PAH: variants seen among roughly 807,000 people sequenced by gnomAD.
PAH encodes phenylalanine hydroxylase.
A neutral mutation model predicts 62.0 loss-of-function variants in PAH; 64 were observed. The observed-to-expected ratio is 1.03, with a 90% CI of 0.84 to 1.27. The LOEUF (loss-of-function observed/expected upper bound fraction) is 1.27, where lower values mean the gene tolerates loss of function less well. Ranked by LOEUF, PAH falls within the 50% of genes most tolerant of loss-of-function variation. PAH has a pLI of 0.00. For synonymous variants in PAH, 195 were observed against 196.2 expected (o/e 0.99, Z 0.05); for missense variants, 579 against 542.8 (o/e 1.07, Z -0.66).
At chr12:102,894,979 GCAGAAC>G in intron 2 of PAH, 61 bp from the exon 3 acceptor site, 1 of 1,227,626 alleles carries the variant, frequency 8.1e-7, no homozygotes, top group Non-Finnish European at 1.2e-6. Context: ...GGCCAAAGAT[GCAGAAC>G]CAGAACAGGA....
chr12:102,951,250 G>A (rs1439532025), upstream of PAH, among the ~76,000 whole-genome samples: 1 of 152,138 alleles, frequency 6.6e-6, no homozygotes, highest in Admixed American at 6.5e-5. Context: ...CTGCAGAGCT[G>A]GGCACCGCAC....
chr12:102,944,293 T>C (rs749179541), intron 1 of PAH, among the ~76,000 whole-genome samples: 36 of 152,240 alleles, frequency 2.4e-4, no homozygotes, highest in Non-Finnish European at 7.3e-5. Context: ...TACTTGAACA[T>C]TGATATTGTT....
intron 3 of PAH, among the ~76,000 whole-genome samples, chr12:102,890,070 G>A (rs887831518): frequency 1.6e-4 from 25 of 152,176 alleles, no homozygotes; most frequent in African/African-American, 6.0e-4. Flanking sequence ...TTACCATGTC[G>A]CTGTAATTAA....
upstream of PAH, among the ~76,000 whole-genome samples, chr12:102,921,347 C>A (rs903779306): frequency 2.6e-5 from 4 of 152,078 alleles, no homozygotes; most frequent in Non-Finnish European, 5.9e-5. Flanking sequence ...TATTTTCTAC[C>A]CATTTTCTAC....
At chr12:102,917,372 G>C (rs938529013), upstream of PAH, 1 of 537,126 alleles carries the variant, frequency 1.9e-6, no homozygotes, top group African/African-American at 1.9e-5. Flanking sequence ...GGCCGGAGGG[G>C]AGGGGCTGAG....
chr12:102,903,109 C>T (rs1877827164), intron 2 of PAH, among the ~76,000 whole-genome samples: 1 of 152,150 alleles, frequency 6.6e-6, no homozygotes, highest in Admixed American at 6.5e-5. Flanking sequence ...GCCTGTAATC[C>T]CAGCACCCTG....
chr12:102,918,847 A>G (rs1878484218), upstream of PAH, among the ~76,000 whole-genome samples: 4 of 152,226 alleles, frequency 2.6e-5, no homozygotes, highest in South Asian at 6.2e-4. Flanking sequence ...TTTTCAGTGT[A>G]GTAGACATAA....
chr12:102,849,680 T>C (rs1434822327), intron 8 of PAH, among the ~76,000 whole-genome samples: 1 of 152,180 alleles, frequency 6.6e-6, no homozygotes, highest in Non-Finnish European at 1.5e-5. Context: ...CTGGATCTGC[T>C]CTCTCAATTC....
chr12:102,922,844 A>G (rs1408846165), intron 1 of PAH, among the ~76,000 whole-genome samples: 1 of 152,222 alleles, frequency 6.6e-6, no homozygotes, highest in African/African-American at 2.4e-5. Flanking sequence ...TGACCATATA[A>G]TTTATTATCC....
chr12:102,903,926 A>T (rs1877868748), intron 2 of PAH, among the ~76,000 whole-genome samples: 1 of 152,176 alleles, frequency 6.6e-6, no homozygotes, highest in African/African-American at 2.4e-5. Context: ...TTACTAAGCC[A>T]CTTACAGTAA....
intron 1 of PAH, chr12:102,958,131 C>A: frequency 1.3e-6 from 1 of 752,166 alleles, no homozygotes; most frequent in Middle Eastern, 4.2e-4. Context: ...TTCATATTTC[C>A]TTTTCTTTCC....
At chr12:102,954,635 G>A (rs542006834), upstream of PAH, among the ~76,000 whole-genome samples, 127 of 152,274 alleles carry the variant, frequency 8.3e-4, no homozygotes, top group African/African-American at 3.0e-3. Flanking sequence ...AATTCCATGG[G>A]CCTAGGAGAG....
chr12:102,946,538 G>A (rs1392690672), intron 1 of PAH: 2 of 152,320 alleles, frequency 1.3e-5, no homozygotes, highest in African/African-American at 2.4e-5. Context: ...ACTATGGCAG[G>A]GCAGGACAAT....
intron 1 of PAH, among the ~76,000 whole-genome samples, chr12:102,956,509 C>T (rs1879916912): frequency 6.6e-6 from 1 of 151,986 alleles, no homozygotes; most frequent in Admixed American, 6.5e-5. Context: ...CACCGGGCCG[C>T]CGGGCACACG....
chr12:102,841,083 C>T (rs78176109), intron 11 of PAH, among the ~76,000 whole-genome samples: 3 of 152,292 alleles, frequency 2.0e-5, no homozygotes, highest in Non-Finnish European at 4.4e-5. Context: ...GGCACCATTG[C>T]TATACCCATT....
At chr12:102,920,313 A>C (rs1878520139), upstream of PAH, among the ~76,000 whole-genome samples, 1 of 152,216 alleles carries the variant, frequency 6.6e-6, no homozygotes, top group Non-Finnish European at 1.5e-5. Flanking sequence ...CTGGGTGCTA[A>C]GGAAATGGAG....
intron 4 of PAH, among the ~76,000 whole-genome samples, chr12:102,871,334 T>C (rs1876305701): frequency 6.6e-6 from 1 of 152,212 alleles, no homozygotes; most frequent in Non-Finnish European, 1.5e-5. Context: ...CTGGTCTTGC[T>C]TTAATTCCTT....
At chr12:102,883,751 A>G (rs1876918283) in intron 3 of PAH, among the ~76,000 whole-genome samples, 1 of 152,148 alleles carries the variant, frequency 6.6e-6, no homozygotes, top group Non-Finnish European at 1.5e-5. Context: ...ATCTTCAAGA[A>G]AAGGTCCAAA....
upstream of PAH, among the ~76,000 whole-genome samples, chr12:102,918,235 T>G (rs1878459485): frequency 6.6e-6 from 1 of 152,162 alleles, no homozygotes. Flanking sequence ...GGTGAGGCAT[T>G]ACTGACCAGG....
Sources: allele counts gnomAD v4.1 joint callset (sites outside exome capture counted in the v4.1 genomes callset), GRCh38; gene constraint gnomAD v4.1.1; transcripts MANE v1.5; gene names NCBI Gene and HGNC (gene_info 2026-07-23, HGNC 2026-07-21).